The following SLCO5A1 variants were observed in gnomAD, a reference collection of about 807,000 sequenced individuals.
The protein encoded by SLCO5A1 is organic anion transporter polypeptide-related protein 4.
SLCO5A1 carries 39 observed loss-of-function variants against 65.1 expected under a neutral mutation model. That is an observed-to-expected ratio of 0.60 (90% CI 0.46 to 0.78). The LOEUF is 0.78. SLCO5A1 is among the 30% of genes least tolerant of loss of function. The pLI, the probability that SLCO5A1 is intolerant of heterozygous loss-of-function variation, is 0.00. For synonymous variants in SLCO5A1, 438 were observed against 415.7 expected, an observed-to-expected ratio of 1.05 and a Z score of -0.65; for missense variants, 1,029 against 1,069.4, an observed-to-expected ratio of 0.96 and a Z score of 0.53.
chr8:69,724,067 C>T (rs777216856), intron 5 of SLCO5A1, among the ~76,000 whole-genome samples: 9 of 152,102 alleles, frequency 5.9e-5, no homozygotes, highest in African/African-American at 1.2e-4. Flanking sequence ...ACCACCATGC[C>T]GGGCCTAGTA....
At chr8:69,765,867 C>A (rs1379267007) in intron 2 of SLCO5A1, among the ~76,000 whole-genome samples, 1 of 152,164 alleles carries the variant, frequency 6.6e-6, no homozygotes, top group Non-Finnish European at 1.5e-5. Flanking sequence ...AAGGTCCAAC[C>A]AAGTCCAGGC....
chr8:69,813,802 C>T (rs115469903), intron 2 of SLCO5A1, among the ~76,000 whole-genome samples: 15 of 152,320 alleles, frequency 9.8e-5, no homozygotes, highest in African/African-American at 2.2e-4. Context: ...AACCACTAGC[C>T]TTACTCCTTT....
chr8:69,763,815 A>G (rs1219418698), intron 2 of SLCO5A1, among the ~76,000 whole-genome samples: 4 of 152,046 alleles, frequency 2.6e-5, no homozygotes, highest in Non-Finnish European at 5.9e-5. Flanking sequence ...AAATCTAGCC[A>G]CATTCCAAAC....
chr8:69,757,848 C>T (rs1188252742), intron 3 of SLCO5A1, among the ~76,000 whole-genome samples: 1 of 152,192 alleles, frequency 6.6e-6, no homozygotes, highest in African/African-American at 2.4e-5. Context: ...CCATTCCAGT[C>T]CCCTGAATCC....
At chr8:69,831,313 T>C (rs905687664) in intron 2 of SLCO5A1, among the ~76,000 whole-genome samples, 1 of 150,836 alleles carries the variant, frequency 6.6e-6, no homozygotes, top group East Asian at 1.9e-4. Flanking sequence ...CAATAAAGCA[T>C]GATGTATGTA....
At chr8:69,715,105 C>T (rs1478762457) in intron 5 of SLCO5A1, among the ~76,000 whole-genome samples, 1 of 152,180 alleles carries the variant, frequency 6.6e-6, no homozygotes, top group Non-Finnish European at 1.5e-5. Flanking sequence ...GAATTTTCTG[C>T]ATCCACGCGA....
chr8:69,715,417 T>C (rs2380584), intron 5 of SLCO5A1, among the ~76,000 whole-genome samples: 56,920 of 152,062 alleles, frequency 0.37, 12,326 homozygotes, highest in African/African-American at 0.6. Flanking sequence ...TCTTTGGAGG[T>C]CCTCTGGGCA....
intron 9 of SLCO5A1, among the ~76,000 whole-genome samples, chr8:69,675,843 A>G (rs1469549354): frequency 6.6e-6 from 1 of 152,240 alleles, no homozygotes; most frequent in Non-Finnish European, 1.5e-5. Context: ...GAAATGACAG[A>G]CTGCCACTTG....
intron 5 of SLCO5A1, among the ~76,000 whole-genome samples, chr8:69,723,621 G>A (rs921362153): frequency 1.3e-5 from 2 of 152,128 alleles, no homozygotes; most frequent in South Asian, 2.1e-4. Flanking sequence ...AAAATTTGAG[G>A]TGAGAGGAAA....
chr8:69,798,254 G>C (rs1312178573), intron 2 of SLCO5A1, among the ~76,000 whole-genome samples: 2 of 152,100 alleles, frequency 1.3e-5, no homozygotes, highest in African/African-American at 4.8e-5. Flanking sequence ...TCAGGTATCT[G>C]TATGGCAATG....
At chr8:69,752,177 G>A (rs1014775181) in intron 4 of SLCO5A1, among the ~76,000 whole-genome samples, 2 of 152,096 alleles carry the variant, frequency 1.3e-5, no homozygotes, top group Non-Finnish European at 2.9e-5. Context: ...GCTGCAGCGA[G>A]CCAAGATCAC....
At chr8:69,732,725 C>A (rs923635276) in intron 5 of SLCO5A1, among the ~76,000 whole-genome samples, 3 of 151,902 alleles carry the variant, frequency 2.0e-5, no homozygotes, top group African/African-American at 4.8e-5. Context: ...CCCATCTCTA[C>A]TAAAAATACA....
chr8:69,761,821 C>T lies in SLCO5A1; in HGVS notation c.962G>A (p.Gly321Glu). The T allele has an allele frequency of 1.2e-6, 2 of 1,613,964 alleles. No individual in the cohort carries two copies. Among genetic ancestry groups the T allele is most frequent in the Non-Finnish European group, 1.7e-6 (2 of 1,179,962 alleles). The change falls in exon 3 of 10, where the codon GGA (glycine) becomes GAA (glutamate). Residue 321 changes from glycine to glutamate, a missense_variant. This residue lies in a region of SLCO5A1 where 647 missense variants were observed against 647.5 expected (regional missense o/e 1.00). Coordinates refer to ENST00000260126, the MANE Select transcript of SLCO5A1 (RefSeq NM_030958.3). ...LGPAVGYLLG[G>E]LLIGFYVDPR... ...ATCAACATAAAAACCAATAAGAAGT[C>T]CACCTAATAAATATCCCACTGCAGG...
intron 2 of SLCO5A1, chr8:69,794,420 A>T (rs977976379): frequency 8.9e-6 from 4 of 450,550 alleles, no homozygotes; most frequent in Non-Finnish European, 1.7e-5. Context: ...TCCAAGGACT[A>T]AGAAGGACTT....
Position 69,832,988 on chromosome 8 carries a change from A to C in SLCO5A1, c.-315T>G, listed in dbSNP as rs1821242425. ...CAGGCGCCTCGCGCGTCCCGGGCTCATCCCCTCCGCCGCCGCCGCCGCCGC... is the reference window on the plus strand; with the variant it reads ...CAGGCGCCTCGCGCGTCCCGGGCTCCTCCCCTCCGCCGCCGCCGCCGCCGC... On this transcript the variant is annotated 5_prime_UTR_variant, in exon 2 of 10. It removes an upstream start codon present in the reference 5' UTR. Coordinates refer to ENST00000260126, the MANE Select transcript of SLCO5A1 (RefSeq NM_030958.3). This position sits in a 1 kb window ranked among gnomAD's most constrained non-coding sequence, Gnocchi z 4.5. 8.2e-6 allele frequency: 3 copies of C among 363,998 alleles called. No homozygotes were observed. Among genetic ancestry groups the C allele is most frequent in the African/African-American group, 2.2e-5 (1 of 46,142 alleles). The allele number at this position is 363,998 out of a possible 1,614,324, so 22.5% of individuals were successfully genotyped here. A position where few individuals can be genotyped will look rare whatever the true frequency, so the allele number is the denominator to read the frequency against.
chr8:69,697,018 G>A (rs1476437255), intron 6 of SLCO5A1, among the ~76,000 whole-genome samples: 2 of 152,062 alleles, frequency 1.3e-5, no homozygotes, highest in African/African-American at 2.4e-5. Context: ...CAGTCCATAC[G>A]TTCCAACATC....
chr8:69,732,991 C>T (rs1816402669), intron 5 of SLCO5A1, among the ~76,000 whole-genome samples: 1 of 151,702 alleles, frequency 6.6e-6, no homozygotes, highest in South Asian at 2.1e-4. Context: ...GTTACTTAAA[C>T]CCTTCTGGCC....
At chr8:69,767,971 G>A (rs544287833) in intron 2 of SLCO5A1, among the ~76,000 whole-genome samples, 40 of 151,630 alleles carry the variant, frequency 2.6e-4, no homozygotes, top group African/African-American at 8.7e-4. Context: ...TAATCCCCAT[G>A]CCTGTAATCC....
At chr8:69,707,995 G>A (rs1815052049) in intron 5 of SLCO5A1, among the ~76,000 whole-genome samples, 1 of 152,162 alleles carries the variant, frequency 6.6e-6, no homozygotes, top group Non-Finnish European at 1.5e-5. Context: ...ATAGCCAGGA[G>A]ATGAATTCAT....
Sources: allele counts gnomAD v4.1 joint callset (sites outside exome capture counted in the v4.1 genomes callset), GRCh38; gene constraint gnomAD v4.1.1; regional missense constraint gnomAD v4.1.1; non-coding constraint Gnocchi (gnomAD v3.1); transcripts MANE v1.5; gene names NCBI Gene and HGNC (gene_info 2026-07-23, HGNC 2026-07-21).